CYB5B: variants seen among roughly 807,000 people sequenced by gnomAD.
CYB5B encodes the protein cytochrome b5 type B, also known as cytochrome b5 type B (outer mitochondrial membrane).
In CYB5B, 14 loss-of-function variants were observed where a neutral mutation model predicts 21.3. The ratio of observed to expected loss-of-function variants is 0.66; its 90% CI spans 0.43 to 1.03. The LOEUF (loss-of-function observed/expected upper bound fraction) is 1.03, where lower values mean the gene tolerates loss of function less well. CYB5B is among the 50% of genes least tolerant of loss of function. The pLI, the probability that CYB5B is intolerant of heterozygous loss-of-function variation, is 0.00. For missense variants in CYB5B, 166 were observed against 185.1 expected (o/e 0.90, Z 0.60); for synonymous variants, 69 against 68.4 (o/e 1.01, Z -0.04).
At chr16:69,448,061 G>A (rs2014894970) in intron 2 of CYB5B, 54 bp from the exon 3 acceptor site, 16 of 1,572,874 alleles carry the variant, frequency 1.0e-5, no homozygotes, top group East Asian at 2.2e-5. Context: ...AGCATATAGT[G>A]AGAATTCATT....
At chr16:69,434,679 C>T (rs1444496924) in intron 1 of CYB5B, among the ~76,000 whole-genome samples, 1 of 152,082 alleles carries the variant, frequency 6.6e-6, no homozygotes, top group Non-Finnish European at 1.5e-5. Context: ...GCCTGGCCAA[C>T]ATAGTGAAAC....
At chr16:69,440,762 G>GTGTGTGTGTGTGTA (rs2014812996) in intron 1 of CYB5B, among the ~76,000 whole-genome samples, 1 of 150,574 alleles carries the variant, frequency 6.6e-6, no homozygotes, top group Non-Finnish European at 1.5e-5. Context: ...GTGTGTGTGT[G>GTGTGTGTGTGTGTA]TGTGTGTAAA....
intron 3 of CYB5B, among the ~76,000 whole-genome samples, chr16:69,451,919 G>C (rs1039890573): frequency 6.7e-6 from 1 of 148,916 alleles, no homozygotes; most frequent in Admixed American, 6.7e-5. Flanking sequence ...CTCCAGCCTG[G>C]GCGACAAAGC....
At chr16:69,427,033 A>G (rs1001859187) in intron 1 of CYB5B, among the ~76,000 whole-genome samples, 2 of 152,178 alleles carry the variant, frequency 1.3e-5, no homozygotes, top group African/African-American at 4.8e-5. Context: ...TGAGTTCAGG[A>G]GTTCGAGACC....
At chr16:69,445,873 T>C (rs1218783082) in intron 1 of CYB5B, among the ~76,000 whole-genome samples, 2 of 152,154 alleles carry the variant, frequency 1.3e-5, no homozygotes, top group Non-Finnish European at 2.9e-5. Context: ...GGAGAATCGC[T>C]TGAACCCGGG....
At chr16:69,459,249 C>A in intron 4 of CYB5B, 128 bp downstream of exon 4, 2 of 1,187,172 alleles carry the variant, frequency 1.7e-6, no homozygotes, top group South Asian at 1.9e-5. Flanking sequence ...TGGCCCAAAT[C>A]ATTGCAAATT....
chr16:69,447,362 C>T, intron 2 of CYB5B, 84 bp downstream of exon 2: 1 of 1,531,676 alleles, frequency 6.5e-7, no homozygotes, highest in Non-Finnish European at 8.8e-7. Context: ...GAATTATTGG[C>T]TGGGCGTGGT....
intron 3 of CYB5B, among the ~76,000 whole-genome samples, chr16:69,455,852 A>G (rs190342520): frequency 1.3e-5 from 2 of 152,262 alleles, no homozygotes; most frequent in Admixed American, 1.3e-4. Flanking sequence ...TCCTAGACAT[A>G]AGAGAATGGT....
chr16:69,447,037 A>C, intron 1 of CYB5B, 113 bp from the exon 2 acceptor site: 1 of 1,284,528 alleles, frequency 7.8e-7, no homozygotes, highest in Non-Finnish European at 1.1e-6. Flanking sequence ...CACAATGTCA[A>C]TTTGTTCCAT....
intron 1 of CYB5B, among the ~76,000 whole-genome samples, chr16:69,427,690 A>T (rs762663077): frequency 1.3e-5 from 2 of 152,194 alleles, no homozygotes; most frequent in East Asian, 1.9e-4. Flanking sequence ...AATTTTTAAA[A>T]TTTTTTGTAG....
intron 3 of CYB5B, chr16:69,448,818 C>T (rs1405502261): frequency 6.6e-6 from 1 of 152,216 alleles, no homozygotes; most frequent in Non-Finnish European, 1.5e-5. Context: ...AGCTGGTACA[C>T]AGCACTCTAA....
At chr16:69,426,762 C>G (rs375086405) in intron 1 of CYB5B, among the ~76,000 whole-genome samples, 3 of 126,422 alleles carry the variant, frequency 2.4e-5, no homozygotes, top group African/African-American at 8.9e-5. Context: ...TTTTTTTTAA[C>G]AGAGGTACAA....
intron 3 of CYB5B, chr16:69,448,888 TC>T (rs1160801332): frequency 6.6e-6 from 1 of 152,170 alleles, no homozygotes; most frequent in African/African-American, 2.4e-5. Context: ...CTGCCTCCCT[TC>T]CATTTTCCTC....
intron 1 of CYB5B, among the ~76,000 whole-genome samples, chr16:69,430,448 G>A (rs1266888894): frequency 2.0e-5 from 3 of 151,222 alleles, no homozygotes; most frequent in South Asian, 2.1e-4. Context: ...CTCAAACTCC[G>A]GGCTCAAGTG....
At chr16:69,438,125 G>A (rs1008897003) in intron 1 of CYB5B, among the ~76,000 whole-genome samples, 1 of 151,868 alleles carries the variant, frequency 6.6e-6, no homozygotes. Flanking sequence ...TTATCAATTT[G>A]ACTACTCTAG....
chr16:69,432,083 G>A (rs529086036), intron 1 of CYB5B, among the ~76,000 whole-genome samples: 1 of 152,292 alleles, frequency 6.6e-6, no homozygotes, highest in South Asian at 2.1e-4. Context: ...GAAAGAAGCT[G>A]TGTCTATAGT....
chr16:69,434,722 G>A lies in CYB5B; in HGVS notation c.174+9865G>A, dbSNP rs542925373. Among the ~76,000 whole-genome samples the A allele has an allele frequency of 5.3e-5, 8 of 152,230 alleles. No homozygotes were observed. The East Asian group carries it at 1.3e-3, about 26-fold the overall frequency. ...CTTCTAAAAATACAAAGTTAGCCAC[G>A]TGTGGTGGCAGGTGCCTGTAGTCCC... On this transcript the variant is annotated intron_variant, in intron 1 of 4. Coordinates refer to ENST00000307892, the MANE Select transcript of CYB5B (RefSeq NM_030579.3).
At chr16:69,459,024 T>C in intron 3 of CYB5B, 69 bp from the exon 4 acceptor site, 2 of 1,411,006 alleles carry the variant, frequency 1.4e-6, no homozygotes, top group Non-Finnish European at 2.0e-6. Flanking sequence ...CAAGAAAATG[T>C]ACATGTGCTA....
intron 3 of CYB5B, among the ~76,000 whole-genome samples, chr16:69,454,721 C>G (rs949437687): frequency 1.3e-5 from 2 of 152,170 alleles, no homozygotes; most frequent in African/African-American, 4.8e-5. Context: ...TGTCCTGTGG[C>G]TTAAAATCTA....
Sources: allele counts gnomAD v4.1 joint callset (sites outside exome capture counted in the v4.1 genomes callset), GRCh38; gene constraint gnomAD v4.1.1; transcripts MANE v1.5; gene names NCBI Gene and HGNC (gene_info 2026-07-23, HGNC 2026-07-21).